The following GIPC2 variants were observed in gnomAD, a reference collection of about 807,000 sequenced individuals.
GIPC2 encodes GIPC PDZ domain containing family member 2, also known as PDZ domain-containing protein GIPC2.
A neutral mutation model predicts 30.6 loss-of-function variants in GIPC2; 30 were observed. That is an observed-to-expected ratio of 0.98 (90% confidence interval 0.73 to 1.33). GIPC2 has a LOEUF of 1.33. Ranked by LOEUF, GIPC2 falls within the 40% of genes most tolerant of loss-of-function variation. The pLI is 0.00. For missense variants in GIPC2, 414 were observed against 390.3 expected (o/e 1.06, Z -0.51); for synonymous variants, 167 against 150.0 (o/e 1.11, Z -0.83).
In GIPC2 at chr1:78,125,915, T is replaced by G; in HGVS notation, c.749T>G (p.Ile250Ser). 4 of 1,591,214 alleles carry G rather than the reference T, an allele frequency of 2.5e-6. No individual in the cohort carries two copies. The highest frequency in any genetic ancestry group is 3.4e-6 in the Non-Finnish European group (4 of 1,159,430). ...ACCAAAGCAAAGGCAATTGAAAAGA[T>G]TGATGATGTTCTTGAGTTGTACATG... The part of the protein sequence containing the change: ...SETKAKAIEK[I>S]DDVLELYMGI... Residue 250 changes from isoleucine (I) to serine (S), a missense_variant, in exon 5 of 6, where the codon ATT becomes AGT. Physicochemically the swap from Ile to Ser is moderately radical, Grantham distance 142. Transcript: ENST00000370759.
chr1:78,062,514 T>C (rs1440490938), intron 1 of GIPC2, among the ~76,000 whole-genome samples: 4 of 151,628 alleles, frequency 2.6e-5, no homozygotes, highest in Non-Finnish European at 5.9e-5. Flanking sequence ...TCTTTTTTTT[T>C]TTTTTTAATT....
intron 2 of GIPC2, among the ~76,000 whole-genome samples, chr1:78,084,509 T>G (rs928957087): frequency 1.5e-5 from 1 of 66,608 alleles, no homozygotes; most frequent in Non-Finnish European, 3.6e-5. Flanking sequence ...AGACTCTGTC[T>G]CAAAAAAAAA....
chr1:78,102,037 T>C (rs1023589413), intron 3 of GIPC2, among the ~76,000 whole-genome samples: 3 of 152,224 alleles, frequency 2.0e-5, no homozygotes, highest in African/African-American at 7.2e-5. Context: ...TTGTGATTCT[T>C]GCGTGCCCTT....
chr1:78,050,870 G>A lies in GIPC2; in HGVS notation c.240+4536G>A, dbSNP rs566675415. Among the ~76,000 whole-genome samples, 5 of 152,210 alleles carry A rather than the reference G, an allele frequency of 3.3e-5. No homozygotes were observed. The South Asian group carries it at 1.0e-3, about 32-fold the overall frequency. On this transcript the variant is annotated intron_variant, in intron 1 of 5. Coordinates refer to ENST00000370759, the MANE Select transcript of GIPC2 (RefSeq NM_017655.6). ...AGGATTGTCTCGATCTCCTGACCTT[G>A]TGATCTGCCCGCCTCAGCCTCCCAA...
At chr1:78,070,942 A>G (rs1240473758) in intron 1 of GIPC2, among the ~76,000 whole-genome samples, 2 of 152,126 alleles carry the variant, frequency 1.3e-5, no homozygotes, top group African/African-American at 4.8e-5. Flanking sequence ...TGAATCATTT[A>G]TAGAAAGTTC....
At chr1:78,112,219 T>A (rs1445034990) in intron 3 of GIPC2, among the ~76,000 whole-genome samples, 1 of 152,244 alleles carries the variant, frequency 6.6e-6, no homozygotes. Context: ...TGTTTCCTTT[T>A]TGTCACCAAA....
At chr1:78,129,752 C>G (rs958977051) in intron 5 of GIPC2, among the ~76,000 whole-genome samples, 18 of 152,250 alleles carry the variant, frequency 1.2e-4, no homozygotes, top group African/African-American at 4.3e-4. Context: ...CTTGACCTAA[C>G]TCAGTGGAAA....
chr1:78,121,682 T>C lies in GIPC2; in HGVS notation c.714+2183T>C, dbSNP rs892039986. Among the ~76,000 whole-genome samples, 5 of 151,964 alleles carry C rather than the reference T, an allele frequency of 3.3e-5. No individual in the cohort carries two copies. The East Asian group carries it at 9.6e-4, about 29-fold the overall frequency. Reference sequence around the variant, plus strand: ...CGAAGAGATCTGATAGAGCAAAAAGTGTTTTGAAAAGGAGATATGATGAGG... The same window carrying C: ...CGAAGAGATCTGATAGAGCAAAAAGCGTTTTGAAAAGGAGATATGATGAGG... On this transcript the variant is annotated intron_variant, in intron 4 of 5. Coordinates refer to ENST00000370759, the MANE Select transcript of GIPC2 (RefSeq NM_017655.6).
intron 3 of GIPC2, among the ~76,000 whole-genome samples, chr1:78,117,241 C>T (rs1383993123): frequency 1.3e-5 from 2 of 152,112 alleles, no homozygotes; most frequent in Non-Finnish European, 2.9e-5. Context: ...GAATGCAGGC[C>T]ACTTCATGTC....
At chr1:78,062,880 A>G (rs1007180378) in intron 1 of GIPC2, among the ~76,000 whole-genome samples, 3 of 152,134 alleles carry the variant, frequency 2.0e-5, no homozygotes, top group African/African-American at 7.2e-5. Context: ...TGCTAGAACC[A>G]CCAGAAATTA....
chr1:78,073,382 G>A (rs1209183090), intron 1 of GIPC2, among the ~76,000 whole-genome samples: 2 of 152,106 alleles, frequency 1.3e-5, no homozygotes, highest in Non-Finnish European at 2.9e-5. Flanking sequence ...GGGATTTCAG[G>A]TGTGAGCCAT....
intron 2 of GIPC2, among the ~76,000 whole-genome samples, chr1:78,081,980 C>T (rs1054354834): frequency 1.3e-5 from 2 of 152,140 alleles, no homozygotes; most frequent in South Asian, 4.1e-4. Flanking sequence ...CTCATTTGTG[C>T]CCCTTCCCAG....
intron 1 of GIPC2, among the ~76,000 whole-genome samples, chr1:78,079,243 T>C (rs1661782132): frequency 6.6e-6 from 1 of 152,342 alleles, no homozygotes; most frequent in South Asian, 2.1e-4. Flanking sequence ...TTCACTGTTT[T>C]GTAGCCAGTG....
intron 3 of GIPC2, among the ~76,000 whole-genome samples, chr1:78,116,176 A>G (rs1662563625): frequency 6.6e-6 from 1 of 152,154 alleles, no homozygotes; most frequent in African/African-American, 2.4e-5. Flanking sequence ...CTGCTTTACA[A>G]AACCATCAGA....
chr1:78,074,537 A>C (rs1661679568), intron 1 of GIPC2, among the ~76,000 whole-genome samples: 1 of 152,202 alleles, frequency 6.6e-6, no homozygotes, highest in South Asian at 2.1e-4. Context: ...TTTTGTAATG[A>C]CCATTTGATG....
At chr1:78,063,898 A>G (rs12752234) in intron 1 of GIPC2, among the ~76,000 whole-genome samples, 2 of 135,418 alleles carry the variant, frequency 1.5e-5, no homozygotes, top group Non-Finnish European at 3.1e-5. Flanking sequence ...TCTCAAAAAG[A>G]CAAAAAAAAA....
Position 78,136,491 on chromosome 1 carries a change from C to A in GIPC2, c.*748C>A, listed in dbSNP as rs1251914464. 1 of 149,306 alleles carries A rather than the reference C, an allele frequency of 6.7e-6. No homozygotes were observed. The highest frequency in any genetic ancestry group is 1.5e-5 in the Non-Finnish European group (1 of 67,346). 9.2% of individuals were successfully genotyped at this position (149,306 alleles called of 1,614,324 possible). Reference sequence around the variant, plus strand: ...TTTTTCAGTCCTTAAAACATTATTTCTTTTTTTCACTCATAGCCACTTTTA... The same window carrying A: ...TTTTTCAGTCCTTAAAACATTATTTATTTTTTTCACTCATAGCCACTTTTA... On this transcript the variant is annotated 3_prime_UTR_variant, in exon 6 of 6. Transcript: ENST00000370759.
intron 1 of GIPC2, 24 bp downstream of exon 1, chr1:78,046,358 C>T: frequency 6.4e-7 from 1 of 1,561,350 alleles, no homozygotes; most frequent in Non-Finnish European, 8.7e-7. Flanking sequence ...TGCTCAGGCT[C>T]TCCCGCCTCT....
At chr1:78,091,792 A>G in intron 2 of GIPC2, 1 of 776,684 alleles carries the variant, frequency 1.3e-6, no homozygotes, top group South Asian at 1.3e-5. Flanking sequence ...CTGTTTCCAA[A>G]GAAGTGACTA....
Sources: allele counts gnomAD v4.1 joint callset (sites outside exome capture counted in the v4.1 genomes callset), GRCh38; gene constraint gnomAD v4.1.1; transcripts MANE v1.5; gene names NCBI Gene and HGNC (gene_info 2026-07-23, HGNC 2026-07-21).